Variants in PACRG observed in about 807,000 individuals in gnomAD.
PACRG encodes parkin coregulated, also known as parkin coregulated gene protein.
In PACRG, 29 loss-of-function variants were observed where a neutral mutation model predicts 29.7. The observed-to-expected ratio is 0.98, with a 90% CI of 0.73 to 1.33. The LOEUF (loss-of-function observed/expected upper bound fraction) is 1.33, where lower values mean the gene tolerates loss of function less well. Ranked by LOEUF, PACRG falls within the 40% of genes most tolerant of loss-of-function variation. The pLI, the probability that PACRG is intolerant of heterozygous loss-of-function variation, is 0.00. For missense variants in PACRG, 279 were observed against 316.2 expected (o/e 0.88, Z 0.89); for synonymous variants, 116 against 118.7 (o/e 0.98, Z 0.15).
chr6:163,240,859 G>A (rs1282900190), intron 4 of PACRG, among the ~76,000 whole-genome samples: 1 of 152,220 alleles, frequency 6.6e-6, no homozygotes, highest in Admixed American at 6.5e-5. Flanking sequence ...AACGAGGGCT[G>A]CATCAGGCTT....
At chr6:163,248,106 A>G (rs1213004652) in intron 4 of PACRG, among the ~76,000 whole-genome samples, 1 of 152,234 alleles carries the variant, frequency 6.6e-6, no homozygotes, top group Non-Finnish European at 1.5e-5. Flanking sequence ...AACAAGGGTC[A>G]TCAATATTTT....
At chr6:163,204,975 A>G (rs898796335) in intron 4 of PACRG, among the ~76,000 whole-genome samples, 1 of 152,226 alleles carries the variant, frequency 6.6e-6, no homozygotes, top group Non-Finnish European at 1.5e-5. Context: ...CACAATAGTC[A>G]CAGAAAGAAT....
intron 3 of PACRG, among the ~76,000 whole-genome samples, chr6:163,062,963 A>G (rs1025665527): frequency 5.3e-5 from 8 of 152,050 alleles, no homozygotes; most frequent in African/African-American, 1.9e-4. Context: ...GGGTTCCAGA[A>G]CACTCTCTGG....
At chr6:163,196,791 A>AC (rs1415049553) in intron 4 of PACRG, among the ~76,000 whole-genome samples, 1 of 151,746 alleles carries the variant, frequency 6.6e-6, no homozygotes, top group African/African-American at 2.4e-5. Flanking sequence ...AGACAGACAG[A>AC]AAGACTAGAC....
rs112361737 is a variant in PACRG, at chr6:163,196,246, C to T, written c.613+106838C>T. ...TAATCAATGAGAGCTACTATGATTG[C>T]TGCTCACGGACAGCGCCCAACAGCT... On this transcript the variant is annotated intron_variant, in intron 4 of 4. Transcript: ENST00000366888. Among the ~76,000 whole-genome samples the T allele has an allele frequency of 4.1e-4, 62 of 152,362 alleles. 1 individual carries two copies. Among genetic ancestry groups the T allele is most frequent in the African/African-American group, 1.4e-3 (59 of 41,590 alleles).
intron 2 of PACRG, among the ~76,000 whole-genome samples, chr6:162,989,294 A>T (rs1453193491): frequency 1.3e-5 from 2 of 152,188 alleles, no homozygotes; most frequent in African/African-American, 4.8e-5. Flanking sequence ...CCTAAGTTTG[A>T]TATTGAATGT....
intron 4 of PACRG, among the ~76,000 whole-genome samples, chr6:163,213,345 T>C (rs535345298): frequency 6.6e-6 from 1 of 151,986 alleles, no homozygotes; most frequent in Non-Finnish European, 1.5e-5. Context: ...CTGTTTTAGA[T>C]AGGAGAATAA....
chr6:162,866,829 C>A (rs902422895), intron 2 of PACRG, among the ~76,000 whole-genome samples: 7 of 152,174 alleles, frequency 4.6e-5, no homozygotes, highest in Non-Finnish European at 1.0e-4. Context: ...CCAAAAGATA[C>A]CAGAGATACT....
intron 3 of PACRG, among the ~76,000 whole-genome samples, chr6:163,071,316 T>C (rs1195122912): frequency 6.6e-6 from 1 of 151,990 alleles, no homozygotes; most frequent in Non-Finnish European, 1.5e-5. Flanking sequence ...CTTAAAACAT[T>C]CAAAAAAATT....
chr6:163,023,027 G>A (rs952072814), intron 2 of PACRG, among the ~76,000 whole-genome samples: 1 of 152,086 alleles, frequency 6.6e-6, no homozygotes, highest in African/African-American at 2.4e-5. Context: ...ATGTTAACAT[G>A]CCTATTTAGC....
intron 4 of PACRG, chr6:163,185,066 A>G (rs886888761): frequency 6.6e-6 from 1 of 152,274 alleles, no homozygotes; most frequent in Non-Finnish European, 1.5e-5. Flanking sequence ...GAAACCAAAA[A>G]GTAATTAATT....
At chr6:162,921,827 T>C (rs1253272707) in intron 2 of PACRG, among the ~76,000 whole-genome samples, 1 of 152,092 alleles carries the variant, frequency 6.6e-6, no homozygotes, top group Non-Finnish European at 1.5e-5. Context: ...AGAGAATTAA[T>C]TGAAGGAAAA....
intron 2 of PACRG, among the ~76,000 whole-genome samples, chr6:162,981,923 T>C (rs1390791674): frequency 6.9e-6 from 1 of 145,916 alleles, no homozygotes; most frequent in Admixed American, 6.7e-5. Context: ...TTTTTTTTTT[T>C]GGTTGACAAA....
chr6:163,064,835 G>A (rs1011804136), intron 3 of PACRG, among the ~76,000 whole-genome samples: 3 of 130,632 alleles, frequency 2.3e-5, no homozygotes, highest in South Asian at 2.8e-4. Flanking sequence ...AAGCAGACTA[G>A]AAGTTTTTTT....
At chr6:163,042,973 C>G (rs1160912258) in intron 2 of PACRG, 2 of 152,162 alleles carry the variant, frequency 1.3e-5, no homozygotes, top group African/African-American at 4.8e-5. Flanking sequence ...AGTTTCCAGT[C>G]TTTTATGTTC....
At chr6:162,842,675 C>T (rs1383567809) in intron 2 of PACRG, among the ~76,000 whole-genome samples, 1 of 112,308 alleles carries the variant, frequency 8.9e-6, no homozygotes, top group East Asian at 2.6e-4. Context: ...TTAGTTGATG[C>T]AGTTTCTTCC....
At chr6:162,896,687 T>C (rs1374598333) in intron 2 of PACRG, among the ~76,000 whole-genome samples, 1 of 152,234 alleles carries the variant, frequency 6.6e-6, no homozygotes, top group African/African-American at 2.4e-5. Flanking sequence ...TGTATCAGAA[T>C]TTTTTCCTTT....
intron 1 of PACRG, among the ~76,000 whole-genome samples, chr6:162,734,942 G>T (rs1780050107): frequency 6.6e-6 from 1 of 152,170 alleles, no homozygotes; most frequent in Admixed American, 6.5e-5. Flanking sequence ...TTGGCCAACA[G>T]ACTAGTTTCA....
chr6:162,924,285 TG>T (rs2128098109), intron 2 of PACRG, among the ~76,000 whole-genome samples: 1 of 152,148 alleles, frequency 6.6e-6, no homozygotes, highest in African/African-American at 2.4e-5. Context: ...ATGAATTTTT[TG>T]GTAGAGTTTT....
Sources: allele counts gnomAD v4.1 joint callset (sites outside exome capture counted in the v4.1 genomes callset), GRCh38; gene constraint gnomAD v4.1.1; transcripts MANE v1.5; gene names NCBI Gene and HGNC (gene_info 2026-07-23, HGNC 2026-07-21).